SASH1: variants seen among roughly 807,000 people sequenced by gnomAD.
SASH1 encodes the protein SAM and SH3 domain containing 1.
SASH1 carries 44 observed loss-of-function variants against 125.2 expected under a neutral mutation model. The ratio of observed to expected loss-of-function variants is 0.35; its 90% CI spans 0.28 to 0.45. The LOEUF (loss-of-function observed/expected upper bound fraction) is 0.45. Among genes scored for constraint, SASH1 ranks in the 20% least tolerant of loss-of-function variants. The pLI is 1.00. For missense variants in SASH1, 1,426 were observed against 1,614.5 expected (o/e 0.88, Z 2.00); for synonymous variants, 639 against 649.1 (o/e 0.98, Z 0.24).
chr6:148,468,660 C>A, intron 5 of SASH1, 75 bp downstream of exon 5: 1 of 908,844 alleles, frequency 1.1e-6, no homozygotes, highest in Non-Finnish European at 1.7e-6. Flanking sequence ...TGTGAAAATA[C>A]AAAACCCACA....
At chr6:148,291,735 T>TA (rs1582924008) in intron 1 of SASH1, among the ~76,000 whole-genome samples, 2 of 151,526 alleles carry the variant, frequency 1.3e-5, no homozygotes, top group Non-Finnish European at 2.9e-5. Context: ...ACTTTTTTTT[T>TA]AAAAAAAGAA....
In SASH1 at chr6:148,487,713, A is replaced by G. The variant is rs775158503; in HGVS notation, c.727A>G (p.Asn243Asp). 1.2e-5 allele frequency: 19 copies of G among 1,603,356 alleles called. No homozygotes were observed. The highest frequency in any genetic ancestry group is 3.3e-4 in the Middle Eastern group (2 of 6,064). Residue 243 changes from asparagine to aspartate, a missense_variant and splice_region_variant, in exon 8 of 20, where the codon AAT (asparagine) becomes GAT (aspartate). Physicochemically the swap from Asn to Asp is conservative, Grantham distance 23 (BLOSUM62 1). Transcript: ENST00000367467. ...AACGTTTGATGGCTCATCAAACTGC[A>G]ATGTGAGTTTATCATGTCTTTGACA... ...YPTFDGSSNC[N>D]SREQSDDETE...
chr6:148,267,365 T>TTG (rs200228547), upstream of SASH1, among the ~76,000 whole-genome samples: 3,880 of 130,082 alleles, frequency 0.03, 107 homozygotes, highest in East Asian at 0.14. Flanking sequence ...CAGTACTACT[T>TTG]TGTGTGTGTG....
rs758795369 is a variant in SASH1, at chr6:148,343,188, T to C, written c.121T>C (p.Phe41Leu). The C allele has an allele frequency of 6.3e-7, 1 of 1,599,724 alleles. No homozygotes were observed. Among genetic ancestry groups the C allele is most frequent in the South Asian group, 1.1e-5 (1 of 90,848 alleles). The change falls in exon 1 of 20, where the codon TTC becomes CTC. Residue 41 changes from phenylalanine to leucine, a missense_variant. Physicochemically the swap from Phe to Leu is conservative, Grantham distance 22. Around this residue, in one of 3 missense-constraint regions of SASH1, gnomAD observed 567 missense variants for 575.6 expected, o/e 0.99. Coordinates refer to ENST00000367467, the MANE Select transcript of SASH1 (RefSeq NM_015278.5). ...PKPGAGTSEA[F>L]SRLWTDVMGI... is the part of the protein sequence containing the mutation. ...GCCGGGTGCTGGCACATCCGAGGCG[T>C]TCTCCCGACTCTGGACCGACGTGAT...
chr6:148,240,789 T>G, the SASH1 span, among the ~76,000 whole-genome samples: 1 of 152,182 alleles, frequency 6.6e-6, no homozygotes, highest in African/African-American at 2.4e-5. Context: ...TGTCATTTGA[T>G]CTGTCCTGGG....
intron 1 of SASH1, among the ~76,000 whole-genome samples, chr6:148,317,212 G>A (rs1481220619): frequency 1.3e-5 from 2 of 152,178 alleles, no homozygotes; most frequent in African/African-American, 2.4e-5. Flanking sequence ...CTTGGATGAA[G>A]ACAAGAAATT....
At chr6:148,376,002 T>C (rs1050778062) in intron 1 of SASH1, among the ~76,000 whole-genome samples, 2 of 152,108 alleles carry the variant, frequency 1.3e-5, no homozygotes, top group Admixed American at 1.3e-4. Flanking sequence ...CTAGGTGTGT[T>C]GTGAAGAGTT....
chr6:148,381,687 G>A lies in SASH1; in HGVS notation c.157-8447G>A, dbSNP rs375310822. Among the ~76,000 whole-genome samples, 42 of 139,920 alleles carry A rather than the reference G, an allele frequency of 3.0e-4. No homozygotes were observed. In the South Asian group the frequency reaches 9.7e-3, roughly 32 times the overall value. 91.8% of individuals were successfully genotyped at this position (139,920 alleles called of 152,430 possible). On this transcript the variant is annotated intron_variant, in intron 1 of 19. Coordinates refer to ENST00000367467, the MANE Select transcript of SASH1 (RefSeq NM_015278.5). ...GCTGCCCAGGCTGGAGTGCAGTGGC[G>A]CAATAATCTTGGCTCACTGCAGCCT...
the SASH1 span, among the ~76,000 whole-genome samples, chr6:148,236,851 G>C: frequency 1.3e-5 from 2 of 152,322 alleles, no homozygotes; most frequent in South Asian, 4.1e-4. Context: ...AGGAGGTGGG[G>C]CCTCATGGGA....
chr6:148,208,582 C>T, the SASH1 span, among the ~76,000 whole-genome samples: 7 of 152,194 alleles, frequency 4.6e-5, no homozygotes, highest in Non-Finnish European at 1.0e-4. Flanking sequence ...TGTAATAAAT[C>T]ATGGCATTTC....
chr6:148,215,985 G>T, the SASH1 span, among the ~76,000 whole-genome samples: 1 of 152,086 alleles, frequency 6.6e-6, no homozygotes, highest in Non-Finnish European at 1.5e-5. Context: ...AGCCTCCCAA[G>T]TAGCTGGGAT....
intron 4 of SASH1, 87 bp from the exon 5 acceptor site, chr6:148,468,458 G>T: frequency 1.0e-6 from 1 of 989,984 alleles, no homozygotes; most frequent in South Asian, 1.4e-5. Context: ...AAGTAGTATT[G>T]ATGCTGGGTC....
At chr6:148,326,452 T>A in intron 1 of SASH1, among the ~76,000 whole-genome samples, 1 of 144,300 alleles carries the variant, frequency 6.9e-6, no homozygotes, top group Non-Finnish European at 1.5e-5. Context: ...TTGCCCAGGC[T>A]AGAGTGCAAT....
upstream of SASH1, chr6:148,342,486 T>G (rs573140219): frequency 2.0e-5 from 3 of 152,330 alleles, no homozygotes; most frequent in East Asian, 1.9e-4. Flanking sequence ...TTTGTTCTCC[T>G]GTCCGAGGCT....
chr6:148,212,209 G>A, the SASH1 span, among the ~76,000 whole-genome samples: 1 of 152,148 alleles, frequency 6.6e-6, no homozygotes, highest in South Asian at 2.1e-4. Context: ...TTCACCCAGA[G>A]CATCAGCAGG....
chr6:148,344,856 A>G (rs1285117433), intron 1 of SASH1, among the ~76,000 whole-genome samples: 1 of 151,756 alleles, frequency 6.6e-6, no homozygotes, highest in Non-Finnish European at 1.5e-5. Context: ...CCTGAGTTCA[A>G]GCAATTTTCC....
chr6:148,316,785 T>C (rs1179745619), intron 1 of SASH1, among the ~76,000 whole-genome samples: 1 of 152,244 alleles, frequency 6.6e-6, no homozygotes. Flanking sequence ...ACAGGTAGTA[T>C]TTATGATTGC....
In SASH1 at chr6:148,490,472, T is replaced by C. The variant is rs1418603054; in HGVS notation, c.729+2757T>C. Among the ~76,000 whole-genome samples the C allele has an allele frequency of 4.6e-5, 7 of 152,328 alleles. No individual in the cohort carries two copies. In the East Asian group the frequency reaches 1.3e-3, roughly 29 times the overall value. On this transcript the variant is annotated intron_variant, in intron 8 of 19. Coordinates refer to ENST00000367467, the MANE Select transcript of SASH1 (RefSeq NM_015278.5). ...ATCCACCCACCTCGGGCTCCCAAAA[T>C]GCTGAGATTACAGGCATGAGCCACT...
rs549512003 is a variant in SASH1 at position 148,551,735 on chromosome 6, C to T, written c.*3177C>T. ...AAAATTGATAGAGAAAAGAAACTGT[C>T]GAGCAAGTTATATAACAACTAACAA... On this transcript the variant is annotated 3_prime_UTR_variant, in exon 20 of 20. Coordinates refer to ENST00000367467, the MANE Select transcript of SASH1 (RefSeq NM_015278.5). The T allele has an allele frequency of 4.6e-5, 7 of 152,686 alleles. No homozygotes were observed. Among genetic ancestry groups the T allele is most frequent in the South Asian group, 2.1e-4 (1 of 4,822 alleles). The allele number at this position is 152,686 out of a possible 1,614,324, so 9.5% of individuals were successfully genotyped here. A position where few individuals can be genotyped will look rare whatever the true frequency, so the allele number is the denominator to read the frequency against.
Sources: allele counts gnomAD v4.1 joint callset (sites outside exome capture counted in the v4.1 genomes callset), GRCh38; gene constraint gnomAD v4.1.1; regional missense constraint gnomAD v4.1.1; transcripts MANE v1.5; gene names NCBI Gene and HGNC (gene_info 2026-07-23, HGNC 2026-07-21).